The following L3MBTL4 variants were observed in gnomAD, a reference collection of about 807,000 sequenced individuals.
L3MBTL4 encodes the protein lethal(3)malignant brain tumor-like protein 4.
In L3MBTL4, 70 loss-of-function variants were observed where a neutral mutation model predicts 84.5. The ratio of observed to expected loss-of-function variants is 0.83; its 90% CI spans 0.68 to 1.01. L3MBTL4 has a LOEUF of 1.01. Ranked by LOEUF, L3MBTL4 falls within the 50% of genes least tolerant of loss-of-function variation. The pLI is 0.00. For missense variants in L3MBTL4, 715 were observed against 754.8 expected, an observed-to-expected ratio of 0.95 and a Z score of 0.62; for synonymous variants, 274 against 259.8, an observed-to-expected ratio of 1.05 and a Z score of -0.52.
chr18:6,081,528 A>G (rs538884984), intron 15 of L3MBTL4, among the ~76,000 whole-genome samples: 1 of 152,342 alleles, frequency 6.6e-6, no homozygotes, highest in Non-Finnish European at 1.5e-5. Context: ...AAACTTTTCC[A>G]GGATTGCTAA....
At chr18:6,044,961 C>T (rs1163921771) in intron 16 of L3MBTL4, among the ~76,000 whole-genome samples, 1 of 152,228 alleles carries the variant, frequency 6.6e-6, no homozygotes, top group African/African-American at 2.4e-5. Flanking sequence ...AGCCCTCAGG[C>T]CACCTGCTGG....
At chr18:5,996,630 G>A (rs894279345) in intron 16 of L3MBTL4, among the ~76,000 whole-genome samples, 6 of 152,050 alleles carry the variant, frequency 3.9e-5, no homozygotes, top group African/African-American at 1.5e-4. Context: ...CTTTTCCGTG[G>A]GAAAAGACTG....
chr18:6,032,361 A>G, intron 16 of L3MBTL4: 2 of 928,836 alleles, frequency 2.2e-6, no homozygotes, highest in Non-Finnish European at 2.6e-6. Context: ...CACTGAATGG[A>G]ATCTGCGTTT....
At chr18:5,973,126 C>T (rs2052738391) in intron 16 of L3MBTL4, among the ~76,000 whole-genome samples, 1 of 152,154 alleles carries the variant, frequency 6.6e-6, no homozygotes, top group South Asian at 2.1e-4. Context: ...GGGACATACA[C>T]CACTTCCAAA....
At chr18:6,401,102 C>T (rs1392224190) in intron 1 of L3MBTL4, among the ~76,000 whole-genome samples, 1 of 152,146 alleles carries the variant, frequency 6.6e-6, no homozygotes, top group Non-Finnish European at 1.5e-5. Context: ...ACCCTTCAAA[C>T]ACAATCTGAC....
chr18:6,391,242 C>A (rs571835698), intron 1 of L3MBTL4, among the ~76,000 whole-genome samples: 2 of 152,220 alleles, frequency 1.3e-5, no homozygotes, highest in African/African-American at 4.8e-5. Flanking sequence ...ACCATATGAT[C>A]ATCTCAATAG....
At chr18:6,314,589 A>G in intron 1 of L3MBTL4, among the ~76,000 whole-genome samples, 1 of 152,326 alleles carries the variant, frequency 6.6e-6, no homozygotes, top group South Asian at 2.1e-4. Flanking sequence ...ATTTCTGTAT[A>G]AAAATTGAAA....
At chr18:6,279,892 G>T (rs192752597) in intron 4 of L3MBTL4, among the ~76,000 whole-genome samples, 1 of 152,174 alleles carries the variant, frequency 6.6e-6, no homozygotes, top group Non-Finnish European at 1.5e-5. Context: ...ATATAGCTCC[G>T]GTTATTACTG....
At chr18:6,100,567 A>T (rs1011938143) in intron 14 of L3MBTL4, among the ~76,000 whole-genome samples, 1 of 152,122 alleles carries the variant, frequency 6.6e-6, no homozygotes, top group Non-Finnish European at 1.5e-5. Flanking sequence ...ACACCTGGAC[A>T]TTTTGGGGAT....
chr18:6,340,146 T>A (rs1053513349), intron 1 of L3MBTL4, among the ~76,000 whole-genome samples: 6 of 152,156 alleles, frequency 3.9e-5, no homozygotes, highest in East Asian at 1.9e-4. Context: ...ACATCTTTTT[T>A]AAAAATCCTT....
At chr18:6,277,539 A>G (rs995431419) in intron 4 of L3MBTL4, among the ~76,000 whole-genome samples, 9 of 152,272 alleles carry the variant, frequency 5.9e-5, no homozygotes, top group African/African-American at 1.7e-4. Flanking sequence ...GCATAAAAAT[A>G]TTTTATTCAA....
intron 10 of L3MBTL4, among the ~76,000 whole-genome samples, chr18:6,222,175 T>C (rs1183142223): frequency 6.6e-6 from 1 of 152,214 alleles, no homozygotes; most frequent in Non-Finnish European, 1.5e-5. Flanking sequence ...AAAGTTAAAA[T>C]ATCTTTCTGG....
At chr18:6,071,353 T>C (rs1416711245) in intron 16 of L3MBTL4, among the ~76,000 whole-genome samples, 1 of 148,288 alleles carries the variant, frequency 6.7e-6, no homozygotes, top group African/African-American at 2.5e-5. Flanking sequence ...ATTACACCAC[T>C]GCACTTCAGC....
chr18:6,048,788 C>CA (rs34017015), intron 16 of L3MBTL4, among the ~76,000 whole-genome samples: 1,665 of 140,498 alleles, frequency 0.012, 22 homozygotes, highest in Middle Eastern at 0.033. Flanking sequence ...GACTCCATCT[C>CA]AAAAAAAAAA....
chr18:6,283,989 G>C (rs1477857890), intron 4 of L3MBTL4, among the ~76,000 whole-genome samples: 5 of 152,194 alleles, frequency 3.3e-5, no homozygotes, highest in African/African-American at 1.2e-4. Flanking sequence ...AAGTCTGGGC[G>C]ATCATTCTCT....
At chr18:6,029,922 C>A in intron 16 of L3MBTL4, 1 of 985,394 alleles carries the variant, frequency 1.0e-6, no homozygotes, top group Non-Finnish European at 1.2e-6. Flanking sequence ...ACAGAAGACA[C>A]TTTTTATTTT....
intron 12 of L3MBTL4, among the ~76,000 whole-genome samples, chr18:6,193,771 G>C (rs2045243018): frequency 6.6e-6 from 1 of 152,172 alleles, no homozygotes; most frequent in African/African-American, 2.4e-5. Context: ...ATGAAAGTGA[G>C]GCCGACTGGA....
At chr18:6,031,130 A>C in intron 16 of L3MBTL4, 1 of 985,428 alleles carries the variant, frequency 1.0e-6, no homozygotes, top group Non-Finnish European at 1.2e-6. Flanking sequence ...CACGTGATCC[A>C]AGTTCTAAAC....
chr18:6,074,852 G>A (rs1484952381), intron 16 of L3MBTL4, among the ~76,000 whole-genome samples: 1 of 151,874 alleles, frequency 6.6e-6, no homozygotes, highest in East Asian at 1.9e-4. Flanking sequence ...AATTTCCTTG[G>A]AAATTATTTT....
Sources: allele counts gnomAD v4.1 joint callset (sites outside exome capture counted in the v4.1 genomes callset), GRCh38; gene constraint gnomAD v4.1.1; transcripts MANE v1.5; gene names NCBI Gene and HGNC (gene_info 2026-07-23, HGNC 2026-07-21).